WDR74: variants seen among roughly 807,000 people sequenced by gnomAD.
WDR74 encodes the protein WD repeat domain 74, also known as WD repeat-containing protein 74.
A neutral mutation model predicts 45.6 loss-of-function variants in WDR74; 31 were observed. The ratio of observed to expected loss-of-function variants is 0.68; its 90% CI spans 0.51 to 0.92. The LOEUF (loss-of-function observed/expected upper bound fraction) is 0.92, where lower values mean the gene tolerates loss of function less well. Among genes scored for constraint, WDR74 ranks in the 40% least tolerant of loss-of-function variants. The pLI, the probability that WDR74 is intolerant of heterozygous loss-of-function variation, is 0.00. For synonymous variants in WDR74, 191 were observed against 192.4 expected (o/e 0.99, Z 0.06); for missense variants, 455 against 497.2 (o/e 0.92, Z 0.81).
At chr11:62,835,939 C>T (rs772145616) in intron 4 of WDR74, 22 bp downstream of exon 4, 1 of 1,587,858 alleles carries the variant, frequency 6.3e-7, no homozygotes, top group South Asian at 1.1e-5. Context: ...CTCCCCCAAC[C>T]ATCAGGGCAG....
At chr11:62,840,939 C>T (rs1036330774), upstream of WDR74, among the ~76,000 whole-genome samples, 1 of 152,196 alleles carries the variant, frequency 6.6e-6, no homozygotes, top group African/African-American at 2.4e-5. Context: ...AATCCCACCA[C>T]TTTGGGAGGC....
upstream of WDR74, among the ~76,000 whole-genome samples, chr11:62,841,220 T>G (rs878905405): frequency 6.6e-6 from 1 of 152,030 alleles, no homozygotes; most frequent in Non-Finnish European, 1.5e-5. Context: ...GGGAGGCTGA[T>G]GCAGGAGAAT....
At chr11:62,841,647 C>T (rs988004537), upstream of WDR74, 7 of 152,246 alleles carry the variant, frequency 4.6e-5, no homozygotes, top group African/African-American at 7.2e-5. Flanking sequence ...GGAAGTACTG[C>T]AATACCAGGT....
At chr11:62,836,060 G>A (rs1378644572) in intron 3 of WDR74, 24 bp from the exon 4 acceptor site, 5 of 1,563,484 alleles carry the variant, frequency 3.2e-6, no homozygotes, top group Non-Finnish European at 4.3e-6. Context: ...ATAGAGTTGG[G>A]ATTTTTTAAG....
At chr11:62,834,665 T>C (rs2289574) in intron 6 of WDR74, 138 bp from the exon 7 acceptor site, 50,288 of 724,978 alleles carry the variant, frequency 0.069, 2,340 homozygotes, top group East Asian at 0.15. Context: ...CTTAGATGTA[T>C]GCCTCTTCTC....
At position 62,839,215 on chromosome 11, in the gene WDR74, G is replaced by A. The variant is rs1304410267; in HGVS notation, c.192C>T (p.Asp64=). 1 of 1,613,558 alleles carries A rather than the reference G, an allele frequency of 6.2e-7. No individual in the cohort carries two copies. The highest frequency in any genetic ancestry group is 1.3e-5 in the African/African-American group (1 of 74,938). ...GETQMLVGCA[D]RTVKHFSTED... ...CGGTGCTGAAGTGCTTCACCGTCCT[G>A]TCCGCGCAGCCCACCAGCATCTGCG... Residue 64 remains aspartate, a synonymous_variant, in exon 3 of 11, where the codon GAC becomes GAT. Coordinates refer to ENST00000278856, the MANE Select transcript of WDR74 (RefSeq NM_001369450.1).
At chr11:62,841,073 C>T (rs1057183468), upstream of WDR74, among the ~76,000 whole-genome samples, 3 of 152,194 alleles carry the variant, frequency 2.0e-5, no homozygotes, top group African/African-American at 7.2e-5. Context: ...ATTCCCAGCA[C>T]TTTGGGAGGC....
chr11:62,834,488 C>G lies in WDR74; in HGVS notation c.658G>C (p.Val220Leu). 6.2e-7 allele frequency: 1 copy of G among 1,607,722 alleles called. No homozygotes were observed. The highest frequency in any genetic ancestry group is 8.5e-7 in the Non-Finnish European group (1 of 1,178,476). The stretch of plus-strand genomic sequence containing the variant: ...TACTCTCCATAGGTGGTCTCTAGGA[C>G]TGGCCGGCGCTGGGGGGATGCTGGA... ...YDPASPQRRP[V>L]LETTYGEYPL... The change falls in exon 7 of 11, where the codon GTC (valine) becomes CTC (leucine). Residue 220 changes from valine to leucine, a missense_variant. Coordinates refer to ENST00000278856, the MANE Select transcript of WDR74 (RefSeq NM_001369450.1).
At chr11:62,838,518 G>C (rs2084992363) in intron 3 of WDR74, among the ~76,000 whole-genome samples, 1 of 151,734 alleles carries the variant, frequency 6.6e-6, no homozygotes, top group Admixed American at 6.5e-5. Context: ...CAGCACTTTG[G>C]GAGTCCGAGG....
At position 62,833,102 on chromosome 11, in the gene WDR74, G is replaced by T. The variant is rs1022426444; in HGVS notation, c.1008C>A (p.Asn336Lys). Residue 336 changes from asparagine to lysine, a missense_variant, in exon 11 of 11, where the codon AAC becomes AAA. Physicochemically the swap from Asn to Lys is moderately conservative, Grantham distance 94. Transcript: ENST00000278856. ...EDEPQEPQEP[N>K]KVPLEDTETD... Reference sequence around the variant, plus strand: ...TCTCTGTGTCTTCTAGGGGCACCTTGTTGGGTTCTTGAGGCTCTTGGGGCT... The same window carrying T: ...TCTCTGTGTCTTCTAGGGGCACCTTTTTGGGTTCTTGAGGCTCTTGGGGCT... The T allele has an allele frequency of 6.2e-7, 1 of 1,612,964 alleles. No individual in the cohort carries two copies. Among genetic ancestry groups the T allele is most frequent in the Non-Finnish European group, 8.5e-7 (1 of 1,179,562 alleles).
In WDR74 at chr11:62,839,383, C is replaced by A. The variant is rs1262011898; in HGVS notation, c.110G>T (p.Gly37Val). ...CACTGCCTCCTCGCGCCGCGGCTGT[C>A]CTCCGGCCGTGAAGTTCGCCGCCTG... The part of the protein sequence containing the change: ...RKQAANFTAG[G>V]QPRREEAVSA... The change falls in exon 2 of 11, where the codon GGA (glycine) becomes GTA (valine). Residue 37 changes from glycine (G) to valine (V), a missense_variant. Transcript: ENST00000278856. 1.9e-6 allele frequency: 3 copies of A among 1,612,826 alleles called. No individual in the cohort carries two copies. The highest frequency in any genetic ancestry group is 2.5e-6 in the Non-Finnish European group (3 of 1,179,834).
intron 6 of WDR74, 51 bp downstream of exon 6, chr11:62,835,380 C>G: frequency 6.4e-7 from 1 of 1,569,190 alleles, no homozygotes; most frequent in Non-Finnish European, 8.8e-7. Context: ...GGCCATTTCT[C>G]CAGGAGGCTG....
chr11:62,834,580 T>C, intron 6 of WDR74, 53 bp from the exon 7 acceptor site: 1 of 1,495,198 alleles, frequency 6.7e-7, no homozygotes, highest in Non-Finnish European at 9.1e-7. Context: ...ACCTACCCTC[T>C]GGCGTCTCTG....
intron 4 of WDR74, 41 bp downstream of exon 4, chr11:62,835,920 C>T: frequency 6.3e-7 from 1 of 1,583,856 alleles, no homozygotes; most frequent in African/African-American, 1.3e-5. Context: ...GGCACCTACC[C>T]CAGCCCACCT....
chr11:62,839,695 A>G (rs2085020070), upstream of WDR74: 1 of 1,212,100 alleles, frequency 8.3e-7, no homozygotes, highest in African/African-American at 1.5e-5. Flanking sequence ...TAAAGCTTCC[A>G]TGCTTGTTTT....
upstream of WDR74, chr11:62,841,527 A>C (rs1008654467): frequency 4.6e-5 from 7 of 151,850 alleles, no homozygotes; most frequent in African/African-American, 7.2e-5. Flanking sequence ...AAAAACACCT[A>C]ATCCAACTCA....
chr11:62,840,820 C>T (rs368746130), upstream of WDR74, among the ~76,000 whole-genome samples: 4 of 152,156 alleles, frequency 2.6e-5, no homozygotes, highest in African/African-American at 9.7e-5. Flanking sequence ...CCCAATCCGC[C>T]CGCCCCAACC....
chr11:62,836,229 C>G, intron 3 of WDR74, 193 bp from the exon 4 acceptor site: 1 of 586,236 alleles, frequency 1.7e-6, no homozygotes, highest in Non-Finnish European at 3.0e-6. Flanking sequence ...CTCTAGGTCA[C>G]TGGGCTCTAG....
At chr11:62,841,428 A>G (rs1029301935), upstream of WDR74, 1 of 152,258 alleles carries the variant, frequency 6.6e-6, no homozygotes, top group Non-Finnish European at 1.5e-5. Flanking sequence ...TGAAGACCAC[A>G]TGGAGATACT....
Sources: gnomAD v4.1 joint callset for allele counts (sites outside exome capture counted in the v4.1 genomes callset) on GRCh38, gnomAD v4.1.1 for gene constraint, MANE v1.5 for transcripts, NCBI Gene and HGNC (gene_info 2026-07-23, HGNC 2026-07-21) for gene names.